DLG2: variants seen among roughly 807,000 people sequenced by gnomAD.
DLG2 encodes the protein disks large homolog 2.
Under a neutral mutation model 132.5 loss-of-function variants are expected in DLG2, and 45 were observed. That is an observed-to-expected ratio of 0.34 (90% confidence interval 0.27 to 0.44). The LOEUF is 0.44. Ranked by LOEUF, DLG2 falls within the 20% of genes least tolerant of loss-of-function variation. DLG2 has a pLI of 1.00. For missense variants in DLG2, 1,045 were observed against 1,196.9 expected, an observed-to-expected ratio of 0.87 and a Z score of 1.87; for synonymous variants, 424 against 419.6, an observed-to-expected ratio of 1.01 and a Z score of -0.13.
At chr11:83,744,471 G>T (rs2092762314) in intron 18 of DLG2, among the ~76,000 whole-genome samples, 1 of 152,134 alleles carries the variant, frequency 6.6e-6, no homozygotes, top group Non-Finnish European at 1.5e-5. Flanking sequence ...GCAAATCTGT[G>T]AACTCATTTC....
chr11:83,458,771 GTCTCTGAAAAGCCA>G lies in DLG2; in HGVS notation c.*1033_*1046del, dbSNP rs1203581061. On this transcript the variant is annotated 3_prime_UTR_variant, in exon 28 of 28. Transcript: ENST00000376104. Reference sequence around the variant, plus strand: ...CCCTTTAGATCATTTGCATAAGTTTGTCTCTGAAAAGCCATCAGCATAAAAAAATGCATTAACCA... The same window carrying G: ...CCCTTTAGATCATTTGCATAAGTTTGTCAGCATAAAAAAATGCATTAACCA... 6.6e-6 allele frequency: 1 copy of G among 152,174 alleles called. No individual in the cohort carries two copies. Among genetic ancestry groups the G allele is most frequent in the Non-Finnish European group, 1.5e-5 (1 of 68,036 alleles). The allele number at this position is 152,174 out of a possible 1,614,324, so 9.4% of individuals were successfully genotyped here.
chr11:85,612,249 C>T (rs2081059688), intron 2 of DLG2, among the ~76,000 whole-genome samples: 1 of 152,244 alleles, frequency 6.6e-6, no homozygotes, highest in Non-Finnish European at 1.5e-5. Flanking sequence ...AACCCATAGC[C>T]TTCCTATCAA....
chr11:85,134,633 G>A (rs2076026048), intron 5 of DLG2, among the ~76,000 whole-genome samples: 1 of 150,574 alleles, frequency 6.6e-6, no homozygotes, highest in African/African-American at 2.4e-5. Context: ...GAATTATTGA[G>A]GTTCTAACCT....
At chr11:84,974,088 G>C (rs1192488511) in intron 6 of DLG2, among the ~76,000 whole-genome samples, 1 of 152,168 alleles carries the variant, frequency 6.6e-6, no homozygotes, top group Non-Finnish European at 1.5e-5. Context: ...CAGACCAAAG[G>C]AAGTAGGAGA....
chr11:84,746,121 A>C (rs1289839367), intron 6 of DLG2, among the ~76,000 whole-genome samples: 1 of 152,154 alleles, frequency 6.6e-6, no homozygotes, highest in African/African-American at 2.4e-5. Context: ...AAAGCAGACA[A>C]TTATAACAAC....
At chr11:85,293,979 T>G (rs2079066271) in intron 3 of DLG2, among the ~76,000 whole-genome samples, 1 of 152,072 alleles carries the variant, frequency 6.6e-6, no homozygotes, top group East Asian at 1.9e-4. Flanking sequence ...TGGTGGCTAA[T>G]ACCTGTAATT....
At chr11:84,038,105 A>T (rs2095920982) in intron 11 of DLG2, among the ~76,000 whole-genome samples, 1 of 151,860 alleles carries the variant, frequency 6.6e-6, no homozygotes, top group African/African-American at 2.4e-5. Flanking sequence ...ATTTTTCCTG[A>T]TCCTCTCCCT....
chr11:83,665,249 T>C (rs1306339462), intron 18 of DLG2, among the ~76,000 whole-genome samples: 2 of 152,124 alleles, frequency 1.3e-5, no homozygotes, highest in African/African-American at 4.8e-5. Context: ...TAGAAGAGGC[T>C]GGTAGAGTTA....
intron 17 of DLG2, among the ~76,000 whole-genome samples, chr11:83,829,892 C>T (rs1035637584): frequency 1.3e-5 from 2 of 152,120 alleles, no homozygotes; most frequent in Non-Finnish European, 2.9e-5. Context: ...GCTATCCCTC[C>T]CCACTTGCCC....
intron 9 of DLG2, among the ~76,000 whole-genome samples, chr11:84,148,879 T>C (rs927290835): frequency 1.4e-4 from 21 of 152,124 alleles, no homozygotes; most frequent in African/African-American, 5.1e-4. Context: ...TACCAACATC[T>C]ATTATTTTTT....
intron 10 of DLG2, among the ~76,000 whole-genome samples, chr11:84,084,174 G>A (rs2096941462): frequency 6.6e-6 from 1 of 152,184 alleles, no homozygotes; most frequent in Non-Finnish European, 1.5e-5. Flanking sequence ...ACAAGTTGTA[G>A]TATTGTAGGC....
At chr11:85,351,385 A>T (rs7947168) in intron 3 of DLG2, among the ~76,000 whole-genome samples, 5,325 of 152,274 alleles carry the variant, frequency 0.035, 144 homozygotes, top group Admixed American at 0.049. Flanking sequence ...CTCATTTCCT[A>T]ATTGAATACC....
chr11:84,136,759 G>A (rs575972586), intron 9 of DLG2, among the ~76,000 whole-genome samples: 16 of 152,254 alleles, frequency 1.1e-4, no homozygotes, highest in Admixed American at 8.5e-4. Flanking sequence ...CGTGGCATGG[G>A]AAGTAGATAA....
At chr11:85,317,888 A>G (rs775573573) in intron 3 of DLG2, among the ~76,000 whole-genome samples, 74 of 151,762 alleles carry the variant, frequency 4.9e-4, no homozygotes, top group Non-Finnish European at 8.1e-4. Context: ...ATATCTGCAT[A>G]TGTACCCTGA....
At chr11:84,091,401 C>A (rs978117403) in intron 10 of DLG2, among the ~76,000 whole-genome samples, 1 of 152,176 alleles carries the variant, frequency 6.6e-6, no homozygotes, top group South Asian at 2.1e-4. Context: ...TCCCTCCACC[C>A]GAGGGACTAG....
chr11:85,018,714 G>GATTGTAATCTTTTTTACATATTA (rs2059775428), intron 6 of DLG2, among the ~76,000 whole-genome samples: 1 of 151,528 alleles, frequency 6.6e-6, no homozygotes, highest in East Asian at 1.9e-4. Flanking sequence ...AATATGTAAA[G>GATTGTAATCTTTTTTACATATTA]ATTGTAATCA....
chr11:85,485,739 T>TG (rs2093415454), intron 3 of DLG2, among the ~76,000 whole-genome samples: 1 of 152,284 alleles, frequency 6.6e-6, no homozygotes, highest in African/African-American at 2.4e-5. Context: ...ACCTTTGGCC[T>TG]GACATGAGGA....
intron 3 of DLG2, among the ~76,000 whole-genome samples, chr11:85,527,486 G>T (rs2074865889): frequency 6.6e-6 from 1 of 151,982 alleles, no homozygotes; most frequent in Non-Finnish European, 1.5e-5. Flanking sequence ...TGAGGATAAT[G>T]GTTTCCAGCT....
chr11:83,476,198 C>T (rs568919615), intron 22 of DLG2, among the ~76,000 whole-genome samples: 2 of 152,044 alleles, frequency 1.3e-5, no homozygotes, highest in Admixed American at 6.6e-5. Context: ...TAATTAGGTT[C>T]TTAGAGTCAT....
Sources: gnomAD v4.1 joint callset for allele counts (sites outside exome capture counted in the v4.1 genomes callset) on GRCh38, gnomAD v4.1.1 for gene constraint, MANE v1.5 for transcripts, NCBI Gene and HGNC (gene_info 2026-07-23, HGNC 2026-07-21) for gene names.